Variants in GALNT10 observed in about 807,000 individuals in gnomAD.
The protein encoded by GALNT10 is polypeptide N-acetylgalactosaminyltransferase 10, also known as GalNAc transferase 10.
In GALNT10, 41 loss-of-function variants were observed where a neutral mutation model predicts 75.0. The ratio of observed to expected loss-of-function variants is 0.55; its 90% CI spans 0.43 to 0.71. The LOEUF (loss-of-function observed/expected upper bound fraction) is 0.71. Among genes scored for constraint, GALNT10 ranks in the 30% least tolerant of loss-of-function variants. GALNT10 has a pLI of 0.00. For missense variants in GALNT10, 727 were observed against 818.5 expected (o/e 0.89, Z 1.36); for synonymous variants, 302 against 313.0 (o/e 0.96, Z 0.37).
chr5:154,213,859 A>T (rs1041613277), intron 1 of GALNT10, among the ~76,000 whole-genome samples: 35 of 152,206 alleles, frequency 2.3e-4, no homozygotes, highest in Non-Finnish European at 4.1e-4. Context: ...TTAGGATTAC[A>T]GGCACGAACC....
At chr5:154,365,566 C>T (rs1291898319) in intron 4 of GALNT10, among the ~76,000 whole-genome samples, 1 of 152,146 alleles carries the variant, frequency 6.6e-6, no homozygotes. Context: ...AAAGAACCCA[C>T]GTGCACCAAA....
At chr5:154,271,696 A>C (rs963892288) in intron 1 of GALNT10, among the ~76,000 whole-genome samples, 1 of 152,210 alleles carries the variant, frequency 6.6e-6, no homozygotes, top group South Asian at 2.1e-4. Context: ...TGGATGCCAC[A>C]TGTCCAGTCA....
chr5:154,234,963 G>A (rs1561636659), intron 1 of GALNT10, among the ~76,000 whole-genome samples: 1 of 152,228 alleles, frequency 6.6e-6, no homozygotes, highest in Non-Finnish European at 1.5e-5. Context: ...AGCCTTGAGA[G>A]TCTAGGATTC....
At chr5:154,245,323 G>A (rs1262897670) in intron 1 of GALNT10, among the ~76,000 whole-genome samples, 2 of 152,186 alleles carry the variant, frequency 1.3e-5, no homozygotes, top group East Asian at 1.9e-4. Context: ...GTTGAGGCTA[G>A]CAATGACAGC....
At chr5:154,283,440 G>A (rs1754070754) in intron 1 of GALNT10, among the ~76,000 whole-genome samples, 1 of 152,042 alleles carries the variant, frequency 6.6e-6, no homozygotes, top group Non-Finnish European at 1.5e-5. Flanking sequence ...GGGCAGCAGA[G>A]CAAGATCCTA....
intron 1 of GALNT10, among the ~76,000 whole-genome samples, chr5:154,294,149 G>A (rs749219383): frequency 6.6e-6 from 1 of 152,184 alleles, no homozygotes; most frequent in Non-Finnish European, 1.5e-5. Context: ...AGACCAACCT[G>A]GGTAACATAG....
At chr5:154,403,936 C>T (rs142271732) in intron 7 of GALNT10, 168 bp from the exon 8 acceptor site, 153 of 683,520 alleles carry the variant, frequency 2.2e-4, no homozygotes, top group Admixed American at 9.7e-4. Context: ...CTGTTTTTAC[C>T]GCTGTTATTA....
intron 1 of GALNT10, among the ~76,000 whole-genome samples, chr5:154,209,222 A>G (rs552404919): frequency 1.6e-4 from 24 of 152,324 alleles, no homozygotes; most frequent in African/African-American, 5.8e-4. Context: ...AGTGCCAGAG[A>G]CGCCACCCGT....
chr5:154,299,939 A>G (rs1054677929), intron 3 of GALNT10, among the ~76,000 whole-genome samples: 1 of 151,432 alleles, frequency 6.6e-6, no homozygotes, highest in African/African-American at 2.4e-5. Context: ...AGCTCAAGCA[A>G]TCCTCCCATC....
At chr5:154,356,521 G>A (rs35083359) in intron 4 of GALNT10, among the ~76,000 whole-genome samples, 4,508 of 152,284 alleles carry the variant, frequency 0.03, 100 homozygotes, top group Middle Eastern at 0.068. Flanking sequence ...CACCATCTGT[G>A]ATATGAAGAG....
chr5:154,245,490 C>G (rs1006540884), intron 1 of GALNT10, among the ~76,000 whole-genome samples: 5 of 151,912 alleles, frequency 3.3e-5, no homozygotes, highest in African/African-American at 4.8e-5. Flanking sequence ...CAAACTTGTC[C>G]TCAGGTCACA....
At chr5:154,371,895 C>T (rs1755577301) in intron 4 of GALNT10, among the ~76,000 whole-genome samples, 1 of 152,154 alleles carries the variant, frequency 6.6e-6, no homozygotes, top group Non-Finnish European at 1.5e-5. Flanking sequence ...TTACATCCTT[C>T]TCCGTTAATC....
At chr5:154,331,017 C>T (rs1275927519) in intron 4 of GALNT10, among the ~76,000 whole-genome samples, 1 of 151,970 alleles carries the variant, frequency 6.6e-6, no homozygotes, top group Non-Finnish European at 1.5e-5. Flanking sequence ...CACTCATTCT[C>T]GTGCTACCCT....
At chr5:154,283,880 G>T (rs1208127942) in intron 1 of GALNT10, among the ~76,000 whole-genome samples, 1 of 152,172 alleles carries the variant, frequency 6.6e-6, no homozygotes, top group Non-Finnish European at 1.5e-5. Context: ...AGCTGTGGCA[G>T]ATGGGTCCTG....
chr5:154,312,077 A>AATAC (rs1413078949), intron 3 of GALNT10, among the ~76,000 whole-genome samples: 2 of 152,114 alleles, frequency 1.3e-5, no homozygotes, highest in African/African-American at 4.8e-5. Context: ...GGAGCAGATA[A>AATAC]ATAGCATTCA....
chr5:154,265,362 G>T (rs1753762297), intron 1 of GALNT10, among the ~76,000 whole-genome samples: 1 of 152,142 alleles, frequency 6.6e-6, no homozygotes, highest in Admixed American at 6.5e-5. Flanking sequence ...ATTTCCTGAT[G>T]CTGACAAGGC....
chr5:154,241,520 G>T (rs1753337560), intron 1 of GALNT10, among the ~76,000 whole-genome samples: 2 of 151,512 alleles, frequency 1.3e-5, no homozygotes, highest in Admixed American at 1.3e-4. Flanking sequence ...AGAGAGGTTT[G>T]TGTTAACAAG....
At position 154,309,889 on chromosome 5, in the gene GALNT10, C is replaced by G. The variant is rs78032683; in HGVS notation, c.401+11810C>G. Among the ~76,000 whole-genome samples the G allele has an allele frequency of 7.0e-4, 107 of 152,234 alleles. 2 individuals are homozygous for G. The East Asian group carries it at 0.017, about 25-fold the overall frequency. On this transcript the variant is annotated intron_variant, in intron 3 of 11. Coordinates refer to ENST00000297107, the MANE Select transcript of GALNT10 (RefSeq NM_198321.4). ...AGTGACAAGATTTTTTTCTGAGTTG[C>G]TGTGTTTTTATTGTGGTTTTAATTA... is the stretch of plus-strand genomic sequence containing the variant.
intron 1 of GALNT10, among the ~76,000 whole-genome samples, chr5:154,262,967 G>T (rs1023309086): frequency 6.0e-5 from 9 of 149,504 alleles, no homozygotes; most frequent in African/African-American, 2.2e-4. Flanking sequence ...GAAAAAAAAA[G>T]CTATAAAAGC....
Sources: gnomAD v4.1 joint callset for allele counts (sites outside exome capture counted in the v4.1 genomes callset) on GRCh38, gnomAD v4.1.1 for gene constraint, MANE v1.5 for transcripts, NCBI Gene and HGNC (gene_info 2026-07-23, HGNC 2026-07-21) for gene names.